RPL22: variants seen among roughly 807,000 people sequenced by gnomAD.
The protein encoded by RPL22 is ribosomal protein L22, also known as large ribosomal subunit protein eL22.
In RPL22, 4 loss-of-function variants were observed where a neutral mutation model predicts 16.2. The observed-to-expected ratio is 0.25, with a 90% confidence interval of 0.12 to 0.57. RPL22 has a LOEUF of 0.57. RPL22 is among the 20% of genes least tolerant of loss of function. The pLI is 0.92. For synonymous variants in RPL22, 43 were observed against 54.8 expected (o/e 0.78, Z 0.95); for missense variants, 83 against 156.1 (o/e 0.53, Z 2.49).
intron 3 of RPL22, among the ~76,000 whole-genome samples, chr1:6,187,675 T>C (rs1174118650): frequency 6.6e-6 from 1 of 151,372 alleles, no homozygotes; most frequent in East Asian, 1.9e-4. Context: ...ATGTACCAGT[T>C]GTCCATGAAA....
Position 6,185,583 on chromosome 1 carries a change from A to T in RPL22, c.*1089T>A. 1 of 390,196 alleles carries T rather than the reference A, an allele frequency of 2.6e-6. No homozygotes were observed. 24.2% of individuals were successfully genotyped at this position (390,196 alleles called of 1,614,324 possible). A position where few individuals can be genotyped will look rare whatever the true frequency, so the allele number is the denominator to read the frequency against. ...TCAAGTGTGGAAACCATCTGTAGGC[A>T]AGCTCTTTTAAAAACATGAATTTTA... On this transcript the variant is annotated 3_prime_UTR_variant, in exon 4 of 4. Coordinates refer to ENST00000234875, the MANE Select transcript of RPL22 (RefSeq NM_000983.4).
chr1:6,187,822 G>A (rs930415410), intron 3 of RPL22, among the ~76,000 whole-genome samples: 3 of 152,124 alleles, frequency 2.0e-5, no homozygotes, highest in African/African-American at 4.8e-5. Flanking sequence ...TAAGCGCTGC[G>A]CACACATCAC....
intron 2 of RPL22, among the ~76,000 whole-genome samples, chr1:6,193,323 AT>A (rs755169791): frequency 0.067 from 8,923 of 133,038 alleles, 696 homozygotes; most frequent in African/African-American, 0.21. Context: ...TGACTTTACA[AT>A]TTTTTTTTTT....
At position 6,185,670 on chromosome 1, in the gene RPL22, C is replaced by G; in HGVS notation, c.*1002G>C. ...CTGTTTGAATTTCAGAAGGGCACCACAAGGCACCAGAGTCTTTCAAAGTCA... is the reference window on the plus strand; with the variant it reads ...CTGTTTGAATTTCAGAAGGGCACCAGAAGGCACCAGAGTCTTTCAAAGTCA... On this transcript the variant is annotated 3_prime_UTR_variant, in exon 4 of 4. Transcript: ENST00000234875. 1 of 302,030 alleles carries G rather than the reference C, an allele frequency of 3.3e-6. No homozygotes were observed. Among genetic ancestry groups the G allele is most frequent in the Non-Finnish European group, 6.1e-6 (1 of 164,902 alleles). The allele number at this position is 302,030 out of a possible 1,614,324, so 18.7% of individuals were successfully genotyped here.
At chr1:6,194,999 G>A (rs369579202) in intron 2 of RPL22, among the ~76,000 whole-genome samples, 16 of 151,518 alleles carry the variant, frequency 1.1e-4, no homozygotes, top group African/African-American at 3.6e-4. Flanking sequence ...TTAGCCAGGC[G>A]TGGTGGCGGG....
chr1:6,197,550 G>A (rs1340076559), intron 2 of RPL22, 102 bp downstream of exon 2: 1 of 713,994 alleles, frequency 1.4e-6, no homozygotes, highest in Non-Finnish European at 2.5e-6. Flanking sequence ...GACCTGTGAA[G>A]CTGCCTATAA....
chr1:6,189,620 A>AAAAAAAAAAAAC (rs1487789736), intron 3 of RPL22, among the ~76,000 whole-genome samples: 4 of 151,866 alleles, frequency 2.6e-5, no homozygotes, highest in African/African-American at 9.7e-5. Context: ...GTTAAAAAAA[A>AAAAAAAAAAAAC]AAAAAAAACC....
intron 2 of RPL22, 54 bp downstream of exon 2, chr1:6,197,598 A>C (rs1042416113): frequency 5.7e-5 from 69 of 1,205,092 alleles, no homozygotes; most frequent in Non-Finnish European, 8.4e-5. Flanking sequence ...GGTTTTCTCA[A>C]CAGTATCTCA....
Position 6,197,835 on chromosome 1 carries a change from A to T in RPL22, c.13-79T>A, listed in dbSNP as rs191258445. On this transcript the variant is annotated intron_variant, in intron 1 of 3. Transcript: ENST00000234875. ...CAAGATTAACAGAACCAGAAACGTC[A>T]TAGGTATAAAAGTCCATACAAATAC... 734 of 1,038,848 alleles carry T rather than the reference A, an allele frequency of 7.1e-4. 2 individuals are homozygous for T. The African/African-American group carries it at 0.01, about 15-fold the overall frequency. 64.4% of individuals were successfully genotyped at this position (1,038,848 alleles called of 1,614,324 possible).
At chr1:6,192,031 G>A (rs1294995596) in intron 3 of RPL22, among the ~76,000 whole-genome samples, 2 of 150,100 alleles carry the variant, frequency 1.3e-5, no homozygotes, top group Non-Finnish European at 3.0e-5. Flanking sequence ...CTCTTACTGT[G>A]ATCTAGAGAC....
intron 3 of RPL22, among the ~76,000 whole-genome samples, chr1:6,188,669 C>T (rs746247744): frequency 1.3e-5 from 2 of 152,076 alleles, no homozygotes; most frequent in Non-Finnish European, 1.5e-5. Context: ...AACACACAAA[C>T]CCACAGCAGA....
intron 3 of RPL22, among the ~76,000 whole-genome samples, chr1:6,189,803 C>T (rs1258858672): frequency 6.6e-6 from 1 of 152,142 alleles, no homozygotes; most frequent in Non-Finnish European, 1.5e-5. Flanking sequence ...CGCCTGTAAT[C>T]CCAGCTACTC....
At chr1:6,190,831 C>A (rs1177960470) in intron 3 of RPL22, among the ~76,000 whole-genome samples, 1 of 152,202 alleles carries the variant, frequency 6.6e-6, no homozygotes, top group East Asian at 1.9e-4. Context: ...AATGGGCCCC[C>A]AGGAATTAAC....
At chr1:6,193,141 T>A in intron 2 of RPL22, 87 bp from the exon 3 acceptor site, 1 of 1,505,862 alleles carries the variant, frequency 6.6e-7, no homozygotes, top group Non-Finnish European at 9.1e-7. Flanking sequence ...ACTGAACTAA[T>A]ATCATTTTTT....
intron 2 of RPL22, among the ~76,000 whole-genome samples, chr1:6,197,320 GT>G (rs1667733194): frequency 6.6e-6 from 1 of 152,196 alleles, no homozygotes; most frequent in Non-Finnish European, 1.5e-5. Context: ...GTGAGCCACC[GT>G]GCCTGGCTTG....
chr1:6,199,318 C>A, intron 1 of RPL22: 2 of 1,116,784 alleles, frequency 1.8e-6, no homozygotes, highest in Non-Finnish European at 2.3e-6. Flanking sequence ...TCCCCGCTAG[C>A]CCCTAGCTGG....
At chr1:6,191,449 C>T (rs1385335545) in intron 3 of RPL22, among the ~76,000 whole-genome samples, 35 of 147,592 alleles carry the variant, frequency 2.4e-4, no homozygotes, top group African/African-American at 8.1e-4. Flanking sequence ...GGGCGGATCA[C>T]GAGGTCAGGA....
At position 6,185,317 on chromosome 1, in the gene RPL22, C is replaced by G. The variant is rs1667569807; in HGVS notation, c.*1355G>C. On this transcript the variant is annotated 3_prime_UTR_variant, in exon 4 of 4. Transcript: ENST00000234875. ...GTTAAGGGACATTGCCAAAGAGCAA[C>G]TGATGCCTCAGTGAAGTTTGAAAGA... 1 of 398,922 alleles carries G rather than the reference C, an allele frequency of 2.5e-6. No homozygotes were observed. The highest frequency in any genetic ancestry group is 4.4e-5 in the Admixed American group (1 of 22,716). The allele number at this position is 398,922 out of a possible 1,614,324, so 24.7% of individuals were successfully genotyped here. A position where few individuals can be genotyped will look rare whatever the true frequency, so the allele number is the denominator to read the frequency against.
intron 3 of RPL22, among the ~76,000 whole-genome samples, chr1:6,187,624 A>AC (rs1557572180): frequency 6.6e-6 from 1 of 150,990 alleles, no homozygotes; most frequent in African/African-American, 2.5e-5. Flanking sequence ...AAAAAAAAAA[A>AC]AACAAAAAAA....
Sources: gnomAD v4.1 joint callset for allele counts (sites outside exome capture counted in the v4.1 genomes callset) on GRCh38, gnomAD v4.1.1 for gene constraint, MANE v1.5 for transcripts, NCBI Gene and HGNC (gene_info 2026-07-23, HGNC 2026-07-21) for gene names.